The following IMMP2L variants were observed in gnomAD, a reference collection of about 807,000 sequenced individuals.
IMMP2L encodes mitochondrial inner membrane protease subunit 2.
Under a neutral mutation model 19.3 loss-of-function variants are expected in IMMP2L, and 18 were observed. The observed-to-expected ratio is 0.93, with a 90% CI of 0.64 to 1.38. IMMP2L has a LOEUF of 1.38. Among genes scored for constraint, IMMP2L ranks in the 40% most tolerant of loss-of-function variants. The pLI is 0.00. For synonymous variants in IMMP2L, 76 were observed against 73.0 expected, an observed-to-expected ratio of 1.04 and a Z score of -0.21; for missense variants, 233 against 218.2, an observed-to-expected ratio of 1.07 and a Z score of -0.43.
intron 5 of IMMP2L, among the ~76,000 whole-genome samples, chr7:110,774,474 A>T (rs1329669789): frequency 6.6e-6 from 1 of 152,006 alleles, no homozygotes; most frequent in Admixed American, 6.6e-5. Flanking sequence ...GAAACAAAAA[A>T]CCCTTCACAT....
intron 3 of IMMP2L, among the ~76,000 whole-genome samples, chr7:111,157,922 C>T (rs1804826854): frequency 6.6e-6 from 1 of 151,570 alleles, no homozygotes; most frequent in African/African-American, 2.4e-5. Flanking sequence ...CATAATTAAA[C>T]AGTGAACACA....
At chr7:110,746,821 C>T (rs1040478066) in intron 5 of IMMP2L, among the ~76,000 whole-genome samples, 1 of 152,148 alleles carries the variant, frequency 6.6e-6, no homozygotes, top group Admixed American at 6.5e-5. Flanking sequence ...AAATCGACAT[C>T]CTGACATCAC....
intron 3 of IMMP2L, among the ~76,000 whole-genome samples, chr7:111,003,887 T>C (rs1224695116): frequency 2.0e-5 from 3 of 152,346 alleles, no homozygotes; most frequent in Admixed American, 2.0e-4. Context: ...TATCATAGGA[T>C]ATTTCACTTA....
At chr7:111,520,029 G>A (rs1585484469) in intron 2 of IMMP2L, among the ~76,000 whole-genome samples, 1 of 152,194 alleles carries the variant, frequency 6.6e-6, no homozygotes, top group Non-Finnish European at 1.5e-5. Flanking sequence ...GCTCAGCAAA[G>A]AAAGTCTACG....
At chr7:110,919,947 G>C (rs1182993737) in intron 4 of IMMP2L, among the ~76,000 whole-genome samples, 1 of 152,172 alleles carries the variant, frequency 6.6e-6, no homozygotes, top group Non-Finnish European at 1.5e-5. Context: ...AAGTTGTGAA[G>C]ACTTGGCTTG....
chr7:110,757,362 C>T lies in IMMP2L; in HGVS notation c.409-93641G>A, dbSNP rs1798094101. Reference sequence around the variant, plus strand: ...TTCTGCATTTTCATTTTGCACTGTACCCCTCAAATGATGCAGTTGACTCTG... The same window carrying T: ...TTCTGCATTTTCATTTTGCACTGTATCCCTCAAATGATGCAGTTGACTCTG... On this transcript the variant is annotated intron_variant, in intron 5 of 5. Transcript: ENST00000405709. This position sits in a 1 kb window ranked among gnomAD's most constrained non-coding sequence, Gnocchi z 4.2. 6.6e-6 allele frequency among the ~76,000 whole-genome samples: 1 copy of T among 151,996 alleles called. No individual in the cohort carries two copies. The highest frequency in any genetic ancestry group is 1.9e-4 in the East Asian group (1 of 5,170).
intron 3 of IMMP2L, among the ~76,000 whole-genome samples, chr7:111,407,343 G>A (rs994814659): frequency 2.0e-5 from 3 of 151,678 alleles, no homozygotes; most frequent in Non-Finnish European, 4.4e-5. Context: ...ATATATCTAC[G>A]GAAAGAATTA....
chr7:110,997,847 G>T (rs1404580638), intron 3 of IMMP2L, among the ~76,000 whole-genome samples: 1 of 152,022 alleles, frequency 6.6e-6, no homozygotes, highest in African/African-American at 2.4e-5. Flanking sequence ...TCAGTATGAA[G>T]AATTCAGGAA....
intron 3 of IMMP2L, among the ~76,000 whole-genome samples, chr7:111,434,426 A>G (rs1348664254): frequency 6.9e-6 from 1 of 144,912 alleles, no homozygotes; most frequent in African/African-American, 2.9e-5. Context: ...AGCAGAGTAA[A>G]CAGACAAACT....
intron 3 of IMMP2L, among the ~76,000 whole-genome samples, chr7:110,977,298 G>C (rs1467223818): frequency 6.6e-6 from 1 of 151,924 alleles, no homozygotes; most frequent in Non-Finnish European, 1.5e-5. Context: ...AAGTCATTTA[G>C]CTATCTTAAC....
intron 4 of IMMP2L, among the ~76,000 whole-genome samples, chr7:110,912,620 T>C (rs1410951165): frequency 1.3e-5 from 2 of 151,604 alleles, no homozygotes; most frequent in East Asian, 1.9e-4. Context: ...GGTAGGATAA[T>C]GGGGCAATTT....
intron 3 of IMMP2L, among the ~76,000 whole-genome samples, chr7:111,103,736 G>T (rs892703724): frequency 6.6e-6 from 1 of 151,614 alleles, no homozygotes; most frequent in African/African-American, 2.4e-5. Flanking sequence ...GGGTGCAGAA[G>T]AACTTTTTTA....
chr7:111,114,980 T>C (rs1799700657), intron 3 of IMMP2L, among the ~76,000 whole-genome samples: 1 of 152,096 alleles, frequency 6.6e-6, no homozygotes, highest in African/African-American at 2.4e-5. Flanking sequence ...TAGAGATCTC[T>C]AGTTTAATTA....
chr7:110,851,324 C>T (rs935249273), intron 5 of IMMP2L, among the ~76,000 whole-genome samples: 15 of 152,112 alleles, frequency 9.9e-5, no homozygotes, highest in African/African-American at 3.4e-4. Context: ...TTGTAAGCCA[C>T]TTCATATTTA....
rs754345216 is a variant in IMMP2L at position 111,122,755 on chromosome 7, C to G, written c.240-159190G>C. On this transcript the variant is annotated intron_variant, in intron 3 of 5. Transcript: ENST00000405709. ...GAATCCTTAAGGGCCCATTACATTT[C>G]TGAAGAAGAAAGCTAAGATGAAGGA... The G allele has an allele frequency of 3.8e-6, 6 of 1,596,240 alleles. No individual in the cohort carries two copies. The African/African-American group carries it at 8.1e-5, about 21-fold the overall frequency.
intron 3 of IMMP2L, among the ~76,000 whole-genome samples, chr7:111,102,465 A>G (rs1166008047): frequency 6.6e-6 from 1 of 151,582 alleles, no homozygotes; most frequent in Non-Finnish European, 1.5e-5. Flanking sequence ...TTAGATTGTC[A>G]TTTTATTGAC....
At chr7:111,081,578 T>A (rs1475563065) in intron 3 of IMMP2L, among the ~76,000 whole-genome samples, 2 of 152,222 alleles carry the variant, frequency 1.3e-5, no homozygotes, top group African/African-American at 4.8e-5. Context: ...ATAGACTCTT[T>A]TGCAGGCAAG....
intron 4 of IMMP2L, among the ~76,000 whole-genome samples, chr7:110,912,804 A>T (rs1813201971): frequency 6.6e-6 from 1 of 152,054 alleles, no homozygotes; most frequent in Non-Finnish European, 1.5e-5. Context: ...GCCTGAAAGT[A>T]AAGTAGCAAC....
chr7:111,167,086 T>C (rs1805904522), intron 3 of IMMP2L, among the ~76,000 whole-genome samples: 1 of 151,970 alleles, frequency 6.6e-6, no homozygotes, highest in Non-Finnish European at 1.5e-5. Context: ...GTGAAGCTGT[T>C]ATGATGCATA....
Sources: gnomAD v4.1 joint callset for allele counts (sites outside exome capture counted in the v4.1 genomes callset) on GRCh38, gnomAD v4.1.1 for gene constraint, Gnocchi (gnomAD v3.1) non-coding constraint, MANE v1.5 for transcripts, NCBI Gene and HGNC (gene_info 2026-07-23, HGNC 2026-07-21) for gene names.